Variants in PPFIA4 observed in about 807,000 individuals in gnomAD.
PPFIA4 encodes the protein PPFI scaffold protein A4.
In PPFIA4, 98 loss-of-function variants were observed where a neutral mutation model predicts 145.7. The ratio of observed to expected loss-of-function variants is 0.67; its 90% CI spans 0.57 to 0.80. PPFIA4 has a LOEUF of 0.80. Ranked by LOEUF, PPFIA4 falls within the 30% of genes least tolerant of loss-of-function variation. PPFIA4 has a pLI of 0.00. For synonymous variants in PPFIA4, 628 were observed against 649.6 expected (o/e 0.97, Z 0.51); for missense variants, 1,457 against 1,632.7 (o/e 0.89, Z 1.85).
intron 1 of PPFIA4, among the ~76,000 whole-genome samples, chr1:203,027,676 C>A (rs1267978543): frequency 2.0e-5 from 3 of 152,154 alleles, no homozygotes; most frequent in African/African-American, 7.2e-5. Context: ...TGCTCAACAT[C>A]CAGCAAACAT....
chr1:203,034,271 C>T (rs1468233524), intron 1 of PPFIA4, among the ~76,000 whole-genome samples: 2 of 152,136 alleles, frequency 1.3e-5, no homozygotes, highest in Non-Finnish European at 2.9e-5. Context: ...GCTGGGCAAA[C>T]AGGAGCTATA....
chr1:203,036,189 C>T (rs1443889160), intron 1 of PPFIA4, among the ~76,000 whole-genome samples: 1 of 152,218 alleles, frequency 6.6e-6, no homozygotes, highest in Non-Finnish European at 1.5e-5. Flanking sequence ...CGTGCAATCA[C>T]AGGGTGCTTT....
At chr1:203,053,329 T>C (rs1660669379) in intron 14 of PPFIA4, among the ~76,000 whole-genome samples, 1 of 151,818 alleles carries the variant, frequency 6.6e-6, no homozygotes, top group South Asian at 2.1e-4. Flanking sequence ...GCTCAGAAGT[T>C]CACTACCAGC....
At chr1:203,056,181 A>G in intron 17 of PPFIA4, 26 bp downstream of exon 17, 1 of 1,613,826 alleles carries the variant, frequency 6.2e-7, no homozygotes, top group Non-Finnish European at 8.5e-7. Context: ...TGGCCCAGGT[A>G]CTAACGGGTT....
In PPFIA4 at chr1:203,060,408, C is replaced by G; in HGVS notation, c.2775C>G (p.Thr925=). ...VSLTSPSAPP[T]SRTSSGNVWV... is the part of the protein sequence containing the mutation. Reference sequence around the variant, plus strand: ...TGACCAGCCCCTCTGCCCCACCCACCTCCAGGACTGTGAGTGGCCCCTCCT... The same window carrying G: ...TGACCAGCCCCTCTGCCCCACCCACGTCCAGGACTGTGAGTGGCCCCTCCT... Residue 925 remains threonine (T), a synonymous_variant, in exon 22 of 30, where the codon ACC becomes ACG. Coordinates refer to ENST00000295706, the MANE Select transcript of PPFIA4 (RefSeq NM_001304331.2). The surrounding 1 kb of genome is among the most constrained non-coding windows in gnomAD (Gnocchi z 4.8). 1 of 1,613,278 alleles carries G rather than the reference C, an allele frequency of 6.2e-7. No individual in the cohort carries two copies. Among genetic ancestry groups the G allele is most frequent in the Non-Finnish European group, 8.5e-7 (1 of 1,179,874 alleles).
At chr1:203,037,314 C>G (rs973553488) in intron 1 of PPFIA4, 7 of 170,124 alleles carry the variant, frequency 4.1e-5, no homozygotes, top group African/African-American at 9.6e-5. Context: ...TCTTGTCCAC[C>G]CTGACCCTCC....
intron 23 of PPFIA4, chr1:203,061,288 G>A (rs571364515): frequency 3.7e-5 from 21 of 568,140 alleles, no homozygotes; most frequent in Admixed American, 2.3e-4. Context: ...GTGCTACAGC[G>A]GAGGAGAGTT....
In PPFIA4 at chr1:203,046,285, A is replaced by C; in HGVS notation, c.1043A>C (p.Glu348Ala). 1 of 1,596,644 alleles carries C rather than the reference A, an allele frequency of 6.3e-7. No individual in the cohort carries two copies. Among genetic ancestry groups the C allele is most frequent in the Non-Finnish European group, 8.5e-7 (1 of 1,172,342 alleles). ...EKARHLQELL[E>A]VAEQKLQQTM... ...GCCCGACACCTGCAGGAGCTGCTGG[A>C]GGTGGCAGAGCAGAAGCTGCAGCAG... Residue 348 changes from glutamate (E) to alanine (A), a missense_variant, in exon 9 of 30, where the codon GAG becomes GCG. Transcript: ENST00000295706.
rs990838535 is a variant in PPFIA4, at chr1:203,037,198, T to A, written c.-399-1412T>A. ...GAGCATCAGTACTCTGGGGAGGGGG[T>A]CCAGGTAGGAGAGGCCCGGCCCTTC... On this transcript the variant is annotated intron_variant, in intron 1 of 29. Coordinates refer to ENST00000295706, the MANE Select transcript of PPFIA4 (RefSeq NM_001304331.2). 6 of 373,782 alleles carry A rather than the reference T, an allele frequency of 1.6e-5. No homozygotes were observed. The Admixed American group carries it at 1.7e-4, about 11-fold the overall frequency. The allele number at this position is 373,782 out of a possible 1,614,324, so 23.2% of individuals were successfully genotyped here. A position where few individuals can be genotyped will look rare whatever the true frequency, so the allele number is the denominator to read the frequency against.
rs999139378 is a variant in PPFIA4 at position 203,044,724 on chromosome 1, T to C, written c.605T>C (p.Val202Ala). 1.1e-5 allele frequency: 17 copies of C among 1,561,694 alleles called. No homozygotes were observed. Among genetic ancestry groups the C allele is most frequent in the Non-Finnish European group, 1.4e-5 (16 of 1,153,368 alleles). ...QVSALQQGAGVRDGAAEEEGT... is the reference protein window; with the variant it reads ...QVSALQQGAGARDGAAEEEGT... ...TCTGCCCTGCAGCAGGGGGCAGGGG[T>C]GCGGGATGGAGCGGCAGAAGAGGAG... Residue 202 changes from valine to alanine, a missense_variant, in exon 6 of 30, where the codon GTG becomes GCG. By Grantham distance (64) the Val-to-Ala change is moderately conservative (BLOSUM62 0). Coordinates refer to ENST00000295706, the MANE Select transcript of PPFIA4 (RefSeq NM_001304331.2).
rs1330557984 is a variant in PPFIA4 at position 203,048,544 on chromosome 1, C to T, written c.1225-39C>T. On this transcript the variant is annotated intron_variant, in intron 10 of 29. Coordinates refer to ENST00000295706, the MANE Select transcript of PPFIA4 (RefSeq NM_001304331.2). The surrounding 1 kb of genome is among the most constrained non-coding windows in gnomAD (Gnocchi z 5.8). ...CCCCAGCAGGAGAGGGTGGTCCTCC[C>T]TGGGAGGGCGGCCTGGTGCGAGGCA... 2 of 1,556,556 alleles carry T rather than the reference C, an allele frequency of 1.3e-6. No individual in the cohort carries two copies. Among genetic ancestry groups the T allele is most frequent in the East Asian group, 2.4e-5 (1 of 41,392 alleles).
chr1:203,064,808 C>T (rs963474329), intron 25 of PPFIA4, among the ~76,000 whole-genome samples: 11 of 152,232 alleles, frequency 7.2e-5, no homozygotes, highest in African/African-American at 2.4e-4. Flanking sequence ...CTCCCAGCCC[C>T]CCAGCCTGCT....
intron 9 of PPFIA4, among the ~76,000 whole-genome samples, chr1:203,047,095 G>A (rs752679875): frequency 1.7e-4 from 26 of 152,158 alleles, no homozygotes; most frequent in East Asian, 3.9e-4. Context: ...AACCCGTGGC[G>A]AGAAGAAAAC....
At chr1:203,032,041 C>CGTGT (rs66626205) in intron 1 of PPFIA4, among the ~76,000 whole-genome samples, 3,127 of 146,438 alleles carry the variant, frequency 0.021, 104 homozygotes, top group East Asian at 0.11. Context: ...TCTGAGAGAA[C>CGTGT]GTGTGTGTGT....
Position 203,057,371 on chromosome 1 carries a change from G to C in PPFIA4, c.2407+421G>C, listed in dbSNP as rs1273399436. On this transcript the variant is annotated intron_variant, in intron 19 of 29. Transcript: ENST00000295706. ...ATTTCTGGGTACATCTGGCCTCTGG[G>C]ACTCAAAATGTGATAACACCTAATT... Among the ~76,000 whole-genome samples, 6 of 152,176 alleles carry C rather than the reference G, an allele frequency of 3.9e-5. No individual in the cohort carries two copies. The East Asian group carries it at 1.2e-3, about 29-fold the overall frequency.
At chr1:203,032,585 C>T (rs1658931881) in intron 1 of PPFIA4, among the ~76,000 whole-genome samples, 1 of 150,508 alleles carries the variant, frequency 6.6e-6, no homozygotes, top group African/African-American at 2.4e-5. Flanking sequence ...TCTGTAGACG[C>T]ATGCCGCTGT....
At chr1:203,056,650 T>C (rs113771133) in intron 18 of PPFIA4, 134 bp from the exon 19 acceptor site, 3 of 1,324,702 alleles carry the variant, frequency 2.3e-6, no homozygotes, top group African/African-American at 1.5e-5. Context: ...GGGAAGGGAG[T>C]TCATGTGTCT....
intron 28 of PPFIA4, among the ~76,000 whole-genome samples, chr1:203,074,735 A>G (rs759931027): frequency 1.1e-4 from 17 of 151,978 alleles, no homozygotes; most frequent in Non-Finnish European, 2.1e-4. Flanking sequence ...AGCAGGGTGG[A>G]TAAAGGCTCT....
At chr1:203,050,275 C>A (rs989485839) in intron 13 of PPFIA4, among the ~76,000 whole-genome samples, 1 of 152,236 alleles carries the variant, frequency 6.6e-6, no homozygotes, top group Non-Finnish European at 1.5e-5. Flanking sequence ...CATCCCTTTT[C>A]TTGAAACCAT....
Sources: allele counts gnomAD v4.1 joint callset (sites outside exome capture counted in the v4.1 genomes callset), GRCh38; gene constraint gnomAD v4.1.1; non-coding constraint Gnocchi (gnomAD v3.1); transcripts MANE v1.5; gene names NCBI Gene and HGNC (gene_info 2026-07-23, HGNC 2026-07-21).